The following JMJD1C variants were observed in gnomAD, a reference collection of about 807,000 sequenced individuals.
JMJD1C encodes the protein jumonji domain-containing protein 1C.
A neutral mutation model predicts 245.3 loss-of-function variants in JMJD1C; 31 were observed. That is an observed-to-expected ratio of 0.13 (90% CI 0.09 to 0.17). The LOEUF is 0.17. JMJD1C is among the 10% of genes least tolerant of loss of function. The pLI is 1.00. For synonymous variants in JMJD1C, 1,057 were observed against 1,017.4 expected (o/e 1.04, Z -0.74); for missense variants, 2,691 against 3,000.2 (o/e 0.90, Z 2.41).
intron 22 of JMJD1C, among the ~76,000 whole-genome samples, chr10:63,180,717 C>T (rs957870896): frequency 5.3e-5 from 8 of 152,230 alleles, no homozygotes; most frequent in African/African-American, 1.9e-4. Flanking sequence ...ATTCTCCTGC[C>T]TCAGCCTCCC....
chr10:63,188,381 G>A (rs1239283460), intron 18 of JMJD1C, among the ~76,000 whole-genome samples: 1 of 152,146 alleles, frequency 6.6e-6, no homozygotes, highest in Non-Finnish European at 1.5e-5. Context: ...ATCAGATTTT[G>A]AAAGGGATTA....
chr10:63,229,495 C>T (rs2133375208), intron 3 of JMJD1C, among the ~76,000 whole-genome samples: 1 of 152,100 alleles, frequency 6.6e-6, no homozygotes, highest in African/African-American at 2.4e-5. Flanking sequence ...TAATTATTTT[C>T]TCATTCATAC....
chr10:63,358,149 T>C (rs1184023452), intron 2 of JMJD1C, among the ~76,000 whole-genome samples: 3 of 152,122 alleles, frequency 2.0e-5, no homozygotes, highest in South Asian at 4.1e-4. Flanking sequence ...GAAATACTTA[T>C]AATGGAAAGG....
intron 24 of JMJD1C, among the ~76,000 whole-genome samples, chr10:63,174,536 T>A (rs774669378): frequency 1.3e-5 from 2 of 151,662 alleles, no homozygotes; most frequent in African/African-American, 4.9e-5. Context: ...AGGCTGACTA[T>A]AAAAGTGCAA....
At chr10:63,204,103 G>C in intron 10 of JMJD1C, 1 of 920,714 alleles carries the variant, frequency 1.1e-6, no homozygotes, top group Non-Finnish European at 1.3e-6. Context: ...TCCAGTCTGG[G>C]CAATGTAGGG....
chr10:63,325,675 C>T (rs984388725), intron 2 of JMJD1C, among the ~76,000 whole-genome samples: 2 of 152,042 alleles, frequency 1.3e-5, no homozygotes, highest in Non-Finnish European at 2.9e-5. Context: ...ATTTTGGTGC[C>T]GTCTCTCAAA....
chr10:63,167,892 T>C lies in JMJD1C; in HGVS notation c.*153A>G, dbSNP rs1841991368. Reference sequence around the variant, plus strand: ...ATCACAGGAGCTGTGACATATGCTATACTGCTGTGGTGTCAGTAACAAGTA... The same window carrying C: ...ATCACAGGAGCTGTGACATATGCTACACTGCTGTGGTGTCAGTAACAAGTA... On this transcript the variant is annotated 3_prime_UTR_variant, in exon 26 of 26. Coordinates refer to ENST00000399262, the MANE Select transcript of JMJD1C (RefSeq NM_032776.3). The C allele has an allele frequency of 1.7e-6, 1 of 589,828 alleles. No individual in the cohort carries two copies. The highest frequency in any genetic ancestry group is 3.0e-6 in the Non-Finnish European group (1 of 329,926). 36.5% of individuals were successfully genotyped at this position (589,828 alleles called of 1,614,324 possible).
chr10:63,516,919 A>G (rs1263888191), intron 1 of JMJD1C, among the ~76,000 whole-genome samples: 1 of 152,196 alleles, frequency 6.6e-6, no homozygotes, highest in Non-Finnish European at 1.5e-5. Flanking sequence ...TGTTGTAACC[A>G]TAATTCCATA....
Position 63,295,999 on chromosome 10 carries a change from G to GTA in JMJD1C, c.334-31236_334-31235insTA, listed in dbSNP as rs1186281797. Among the ~76,000 whole-genome samples, 15 of 95,432 alleles carry GTA rather than the reference G, an allele frequency of 1.6e-4. 1 individual carries two copies. The highest frequency in any genetic ancestry group is 2.4e-4 in the African/African-American group (6 of 24,902). 62.6% of individuals were successfully genotyped at this position (95,432 alleles called of 152,430 possible). On this transcript the variant is annotated intron_variant, in intron 2 of 25. Transcript: ENST00000399262. ...TGTGTGTGTGTGTGTGTGTGTGTGTGTGTGTATATATATATTTTTTTTTTT... is the reference window on the plus strand; with the variant it reads ...TGTGTGTGTGTGTGTGTGTGTGTGTGTATGTGTATATATATATTTTTTTTTTT...
At chr10:63,456,355 A>G (rs1364221160) in intron 1 of JMJD1C, among the ~76,000 whole-genome samples, 2 of 152,146 alleles carry the variant, frequency 1.3e-5, no homozygotes, top group Non-Finnish European at 2.9e-5. Flanking sequence ...TCAACTTTAA[A>G]TTCTTATACA....
rs1206547271 is a variant in JMJD1C, at chr10:63,207,690, C to T, written c.3979G>A (p.Asp1327Asn). 1.9e-6 allele frequency: 3 copies of T among 1,614,034 alleles called. No individual in the cohort carries two copies. Among genetic ancestry groups the T allele is most frequent in the South Asian group, 2.2e-5 (2 of 91,086 alleles). The change falls in exon 10 of 26, where the codon GAT becomes AAT. Residue 1327 changes from aspartate to asparagine, a missense_variant. Physicochemically the swap from Asp to Asn is conservative, Grantham distance 23. Around this residue, in one of 9 missense-constraint regions of JMJD1C, gnomAD observed 1,562 missense variants for 1,490.7 expected, o/e 1.05. Coordinates refer to ENST00000399262, the MANE Select transcript of JMJD1C (RefSeq NM_032776.3). ...GCTGAAGATCTTTCACTAACACGAT[C>T]TTTAGAAGCTAACTGCATTGCTGGC... ...SMPAMQLASK[D>N]RVSERSSAGA...
At chr10:63,459,830 T>C (rs1270219567) in intron 1 of JMJD1C, among the ~76,000 whole-genome samples, 2 of 152,166 alleles carry the variant, frequency 1.3e-5, no homozygotes, top group African/African-American at 2.4e-5. Flanking sequence ...CTTAAGTAAA[T>C]TTATTCTCCC....
Position 63,213,671 on chromosome 10 carries a change from T to C in JMJD1C, c.2496A>G (p.Gln832=), listed in dbSNP as rs1847633469. Residue 832 remains glutamine (Q), a synonymous_variant, in exon 8 of 26, where the codon CAA becomes CAG. Coordinates refer to ENST00000399262, the MANE Select transcript of JMJD1C (RefSeq NM_032776.3). ...ACTGGTGCTGTAACAACTGTTGTTGTTGCTGGTGTGCTAGCGCTAAGTGGC... is the reference window on the plus strand; with the variant it reads ...ACTGGTGCTGTAACAACTGTTGTTGCTGCTGGTGTGCTAGCGCTAAGTGGC... ...SLSHLALAHQ[Q]QQQLLQHQSP... 8.1e-6 allele frequency: 13 copies of C among 1,614,214 alleles called. No individual in the cohort carries two copies. Among genetic ancestry groups the C allele is most frequent in the South Asian group, 1.1e-5 (1 of 91,084 alleles).
At chr10:63,213,178 C>G (rs1271832518) in intron 8 of JMJD1C, among the ~76,000 whole-genome samples, 1 of 144,134 alleles carries the variant, frequency 6.9e-6, no homozygotes, top group Non-Finnish European at 1.5e-5. Context: ...GAATGAGACT[C>G]CATCTCAAAA....
At chr10:63,360,092 T>C (rs543644092) in intron 2 of JMJD1C, among the ~76,000 whole-genome samples, 1 of 152,108 alleles carries the variant, frequency 6.6e-6, no homozygotes, top group East Asian at 1.9e-4. Flanking sequence ...GGAGAATCAA[T>C]AGAGGCCAAC....
chr10:63,413,004 A>C (rs1949577386), intron 1 of JMJD1C, among the ~76,000 whole-genome samples: 1 of 151,682 alleles, frequency 6.6e-6, no homozygotes, highest in Non-Finnish European at 1.5e-5. Context: ...TAAAATAAAT[A>C]AGAAAAAGCC....
At chr10:63,209,693 C>T (rs1253344719) in intron 8 of JMJD1C, among the ~76,000 whole-genome samples, 1 of 152,148 alleles carries the variant, frequency 6.6e-6, no homozygotes, top group African/African-American at 2.4e-5. Flanking sequence ...TCCAATGTAA[C>T]AATTTACTGA....
intron 2 of JMJD1C, among the ~76,000 whole-genome samples, chr10:63,364,783 G>A (rs1945703373): frequency 1.3e-5 from 2 of 152,080 alleles, no homozygotes; most frequent in South Asian, 2.1e-4. Flanking sequence ...ACACGTGGCC[G>A]AGCACATGTT....
At chr10:63,381,937 C>T (rs531198327) in intron 1 of JMJD1C, among the ~76,000 whole-genome samples, 22 of 152,246 alleles carry the variant, frequency 1.4e-4, no homozygotes, top group East Asian at 9.7e-4. Flanking sequence ...AGTAGCCATA[C>T]GCGATGGCTC....
Sources: allele counts gnomAD v4.1 joint callset (sites outside exome capture counted in the v4.1 genomes callset), GRCh38; gene constraint gnomAD v4.1.1; regional missense constraint gnomAD v4.1.1; transcripts MANE v1.5; gene names NCBI Gene and HGNC (gene_info 2026-07-23, HGNC 2026-07-21).